The following FLT1 variants were observed in gnomAD, a reference collection of about 807,000 sequenced individuals.
FLT1 encodes fms related receptor tyrosine kinase 1.
A neutral mutation model predicts 156.3 loss-of-function variants in FLT1; 49 were observed. The observed-to-expected ratio is 0.31, with a 90% CI of 0.25 to 0.40. The LOEUF (loss-of-function observed/expected upper bound fraction) is 0.40, where lower values mean the gene tolerates loss of function less well. Among genes scored for constraint, FLT1 ranks in the 10% least tolerant of loss-of-function variants. FLT1 has a pLI of 1.00. For missense variants in FLT1, 1,322 were observed against 1,637.2 expected, an observed-to-expected ratio of 0.81 and a Z score of 3.32; for synonymous variants, 594 against 583.8, an observed-to-expected ratio of 1.02 and a Z score of -0.25.
At chr13:28,333,453 G>GCAAA (rs1308130657) in intron 18 of FLT1, among the ~76,000 whole-genome samples, 1 of 152,088 alleles carries the variant, frequency 6.6e-6, no homozygotes, top group Non-Finnish European at 1.5e-5. Context: ...TGTGTGATTT[G>GCAAA]GTTCTACCTC....
At chr13:28,438,368 A>C in intron 3 of FLT1, 23 bp from the exon 4 acceptor site, 1 of 1,585,984 alleles carries the variant, frequency 6.3e-7, no homozygotes, top group Non-Finnish European at 8.7e-7. Context: ...AAAATGAAAA[A>C]AATATATACA....
In FLT1 at chr13:28,350,010, C is replaced by T. The variant is rs145977888; in HGVS notation, c.2249-4459G>A. 1.7e-3 allele frequency among the ~76,000 whole-genome samples: 255 copies of T among 152,316 alleles called. 1 individual carries two copies. Among genetic ancestry groups the T allele is most frequent in the East Asian group, 7.7e-3 (40 of 5,186 alleles). On this transcript the variant is annotated intron_variant, in intron 15 of 29. Coordinates refer to ENST00000282397, the MANE Select transcript of FLT1 (RefSeq NM_002019.4). Reference sequence around the variant, plus strand: ...GGACAGTCTTATGCTGGGTGACTGACTGAAGTGAACCCTTAGGTGTTTTCT... The same window carrying T: ...GGACAGTCTTATGCTGGGTGACTGATTGAAGTGAACCCTTAGGTGTTTTCT...
intron 1 of FLT1, among the ~76,000 whole-genome samples, chr13:28,494,432 G>A (rs1169785558): frequency 6.6e-6 from 1 of 152,202 alleles, no homozygotes; most frequent in Non-Finnish European, 1.5e-5. Context: ...GCAGGTCCCG[G>A]TGCGTGCTGC....
intron 1 of FLT1, among the ~76,000 whole-genome samples, chr13:28,480,347 G>A (rs1880766217): frequency 1.3e-5 from 2 of 152,138 alleles, no homozygotes; most frequent in South Asian, 4.1e-4. Context: ...CCTTTACAGT[G>A]TTTATAGCTT....
At chr13:28,368,529 T>C in intron 14 of FLT1, 1 of 1,547,558 alleles carries the variant, frequency 6.5e-7, no homozygotes, top group East Asian at 2.4e-5. Context: ...TAGTTTTCAA[T>C]AAATGGTAGC....
chr13:28,433,699 A>G (rs1877840256), intron 6 of FLT1, 120 bp downstream of exon 6: 1 of 941,542 alleles, frequency 1.1e-6, no homozygotes, highest in African/African-American at 1.6e-5. Flanking sequence ...AAGCTTCTTT[A>G]TTGACTAACA....
chr13:28,372,566 G>GCATATATATA (rs1279204338), intron 14 of FLT1, among the ~76,000 whole-genome samples: 3,599 of 91,290 alleles, frequency 0.039, 234 homozygotes, highest in Non-Finnish European at 0.064. Context: ...TAAATAAAAT[G>GCATATATATA]TATATATATA....
At chr13:28,309,395 T>C (rs1394898871) in intron 27 of FLT1, among the ~76,000 whole-genome samples, 1 of 152,192 alleles carries the variant, frequency 6.6e-6, no homozygotes, top group Non-Finnish European at 1.5e-5. Flanking sequence ...ATTTTGTGTG[T>C]GTGTGTGATT....
At chr13:28,402,486 T>A (rs770936078) in intron 11 of FLT1, among the ~76,000 whole-genome samples, 2 of 152,138 alleles carry the variant, frequency 1.3e-5, no homozygotes, top group African/African-American at 4.8e-5. Flanking sequence ...ATTCAAGATA[T>A]GAACTCAATC....
intron 14 of FLT1, among the ~76,000 whole-genome samples, chr13:28,361,874 A>G (rs1873124627): frequency 6.6e-6 from 1 of 152,232 alleles, no homozygotes; most frequent in African/African-American, 2.4e-5. Context: ...AGGAGTTTCA[A>G]TTCCATGTAG....
intron 29 of FLT1, among the ~76,000 whole-genome samples, chr13:28,305,811 G>A (rs1179783899): frequency 6.6e-6 from 1 of 152,178 alleles, no homozygotes; most frequent in Non-Finnish European, 1.5e-5. Flanking sequence ...GATTGTCAGT[G>A]TCCGTGTATT....
intron 12 of FLT1, among the ~76,000 whole-genome samples, chr13:28,393,857 G>C (rs752736855): frequency 1.1e-4 from 16 of 152,192 alleles, no homozygotes; most frequent in Non-Finnish European, 2.4e-4. Context: ...AAAGTGCTGG[G>C]ATGACAGGCG....
At chr13:28,338,813 C>T (rs1291503197) in intron 17 of FLT1, among the ~76,000 whole-genome samples, 16 of 152,062 alleles carry the variant, frequency 1.1e-4, no homozygotes, top group Admixed American at 9.8e-4. Context: ...ACTTGTAATG[C>T]CTCTCTCTCC....
rs375033979 is a variant in FLT1 at position 28,339,250 on chromosome 13, A to G, written c.2406T>C (p.Asp802=). 1.2e-6 allele frequency: 2 copies of G among 1,613,966 alleles called. No individual in the cohort carries two copies. Among genetic ancestry groups the G allele is most frequent in the Non-Finnish European group, 1.7e-6 (2 of 1,179,802 alleles). The change falls in exon 17 of 30, where the codon GAT becomes GAC. Residue 802 remains aspartate, a synonymous_variant. Coordinates refer to ENST00000282397, the MANE Select transcript of FLT1 (RefSeq NM_002019.4). ...TDYLSIIMDP[D]EVPLDEQCER... is the part of the protein sequence containing the mutation. ...CACACTGCTCATCCAAAGGAACTTC[A>G]TCTGGGTCCATTATAATTGATAGGT...
chr13:28,327,612 C>T (rs1186817767), intron 19 of FLT1, 62 bp from the exon 20 acceptor site: 2 of 1,182,418 alleles, frequency 1.7e-6, no homozygotes, highest in Non-Finnish European at 2.5e-6. Flanking sequence ...CATTTGCCAG[C>T]CTTCAGCCTG....
At chr13:28,305,286 C>T (rs1248185515) in intron 29 of FLT1, among the ~76,000 whole-genome samples, 5 of 152,152 alleles carry the variant, frequency 3.3e-5, no homozygotes, top group African/African-American at 9.7e-5. Flanking sequence ...TGTAGTGGTG[C>T]AATTGTGGCT....
At chr13:28,446,037 T>C (rs1449011805) in intron 3 of FLT1, among the ~76,000 whole-genome samples, 2 of 152,108 alleles carry the variant, frequency 1.3e-5, no homozygotes, top group African/African-American at 2.4e-5. Flanking sequence ...ATCATGTCAA[T>C]AGAATAAACA....
At chr13:28,451,289 G>A (rs566970350) in intron 3 of FLT1, among the ~76,000 whole-genome samples, 17 of 152,164 alleles carry the variant, frequency 1.1e-4, no homozygotes, top group Non-Finnish European at 2.1e-4. Context: ...TAGACGTGGC[G>A]GCAGGCACCT....
At chr13:28,328,296 T>C (rs1273565964) in intron 19 of FLT1, 1 of 152,264 alleles carries the variant, frequency 6.6e-6, no homozygotes, top group Admixed American at 6.5e-5. Flanking sequence ...CTGACCTTGG[T>C]TTGCCAACCC....
Sources: allele counts gnomAD v4.1 joint callset (sites outside exome capture counted in the v4.1 genomes callset), GRCh38; gene constraint gnomAD v4.1.1; transcripts MANE v1.5; gene names NCBI Gene and HGNC (gene_info 2026-07-23, HGNC 2026-07-21).